Variants in TMEM132D observed in about 807,000 individuals in gnomAD.
TMEM132D encodes mature OL transmembrane protein.
Under a neutral mutation model 62.3 loss-of-function variants are expected in TMEM132D, and 21 were observed. That is an observed-to-expected ratio of 0.34 (90% CI 0.24 to 0.49). The LOEUF (loss-of-function observed/expected upper bound fraction) is 0.49. TMEM132D is among the 20% of genes least tolerant of loss of function. TMEM132D has a pLI of 0.99. For missense variants in TMEM132D, 1,346 were observed against 1,402.8 expected, an observed-to-expected ratio of 0.96 and a Z score of 0.65; for synonymous variants, 621 against 575.6, an observed-to-expected ratio of 1.08 and a Z score of -1.13.
intron 1 of TMEM132D, among the ~76,000 whole-genome samples, chr12:129,745,301 G>T (rs1395139249): frequency 1.3e-5 from 2 of 152,152 alleles, no homozygotes; most frequent in Admixed American, 6.5e-5. Context: ...CATAGTATTT[G>T]CTCATTTTTA....
intron 1 of TMEM132D, among the ~76,000 whole-genome samples, chr12:129,831,326 G>C (rs1872823470): frequency 6.6e-6 from 1 of 152,224 alleles, no homozygotes; most frequent in African/African-American, 2.4e-5. Context: ...GACAGCCATT[G>C]TCCCTCCCAC....
intron 3 of TMEM132D, among the ~76,000 whole-genome samples, chr12:129,443,462 G>A (rs1356172458): frequency 6.6e-6 from 1 of 152,138 alleles, no homozygotes; most frequent in Non-Finnish European, 1.5e-5. Flanking sequence ...AGTTTGGTGA[G>A]CGATGGCCCA....
intron 4 of TMEM132D, among the ~76,000 whole-genome samples, chr12:129,254,820 CCA>C (rs1278598880): frequency 2.6e-5 from 4 of 152,162 alleles, no homozygotes; most frequent in Non-Finnish European, 5.9e-5. Context: ...AGGTTGCATT[CCA>C]GTCTTCCTGG....
At chr12:129,342,941 G>T in intron 3 of TMEM132D, among the ~76,000 whole-genome samples, 1 of 152,192 alleles carries the variant, frequency 6.6e-6, no homozygotes, top group Non-Finnish European at 1.5e-5. Context: ...TGCTGGAGAG[G>T]ATGTGGAGAA....
chr12:129,292,753 T>C (rs886427915), intron 4 of TMEM132D, among the ~76,000 whole-genome samples: 6 of 152,184 alleles, frequency 3.9e-5, no homozygotes, highest in African/African-American at 7.2e-5. Flanking sequence ...TAGTTAATTA[T>C]GCCATTGCGT....
At chr12:129,768,078 C>G (rs1431833325) in intron 1 of TMEM132D, among the ~76,000 whole-genome samples, 1 of 152,176 alleles carries the variant, frequency 6.6e-6, no homozygotes, top group African/African-American at 2.4e-5. Context: ...CCTACCTGGT[C>G]CCTCCCATGA....
At chr12:129,605,768 G>T (rs552462595) in intron 2 of TMEM132D, among the ~76,000 whole-genome samples, 1 of 151,630 alleles carries the variant, frequency 6.6e-6, no homozygotes, top group Non-Finnish European at 1.5e-5. Flanking sequence ...TGGCAATGGC[G>T]TTTCTCATAC....
At position 129,209,646 on chromosome 12, in the gene TMEM132D, G is replaced by A. The variant is rs1878968174; in HGVS notation, c.1317C>T (p.Asn439=). The A allele has an allele frequency of 1.2e-6, 2 of 1,614,082 alleles. No homozygotes were observed. The highest frequency in any genetic ancestry group is 1.7e-6 in the Non-Finnish European group (2 of 1,180,046). The part of the protein sequence containing the change: ...VPLAMEAEIL[N]TAILTGKTVA... ...CCGTCTTCCCCGTGAGGATGGCTGTGTTCAGGATTTCTGCCTCCTGGAAGA... is the reference window on the plus strand; with the variant it reads ...CCGTCTTCCCCGTGAGGATGGCTGTATTCAGGATTTCTGCCTCCTGGAAGA... Residue 439 remains asparagine (N), a synonymous_variant, in exon 5 of 9, where the codon AAC becomes AAT. Coordinates refer to ENST00000422113, the MANE Select transcript of TMEM132D (RefSeq NM_133448.3).
chr12:129,251,186 C>T (rs887492001), intron 4 of TMEM132D, among the ~76,000 whole-genome samples: 43 of 151,656 alleles, frequency 2.8e-4, no homozygotes, highest in African/African-American at 9.7e-4. Context: ...GGTGAAACCC[C>T]GTCTCTACTA....
At chr12:129,157,563 TATG>T (rs1877282762) in intron 5 of TMEM132D, among the ~76,000 whole-genome samples, 1 of 152,228 alleles carries the variant, frequency 6.6e-6, no homozygotes, top group African/African-American at 2.4e-5. Flanking sequence ...GAATTGAAAA[TATG>T]ATGTAAACAC....
intron 1 of TMEM132D, among the ~76,000 whole-genome samples, chr12:129,724,071 A>T (rs900466635): frequency 3.3e-5 from 5 of 152,236 alleles, no homozygotes; most frequent in Admixed American, 2.6e-4. Context: ...AGGAGACAGG[A>T]AAGTCAGAGT....
intron 3 of TMEM132D, among the ~76,000 whole-genome samples, chr12:129,370,410 T>C (rs1414535361): frequency 6.6e-6 from 1 of 152,220 alleles, no homozygotes; most frequent in Non-Finnish European, 1.5e-5. Context: ...CACTCTATAG[T>C]GGCAGCTCTG....
intron 1 of TMEM132D, among the ~76,000 whole-genome samples, chr12:129,789,653 A>G (rs1871345607): frequency 6.6e-6 from 1 of 152,242 alleles, no homozygotes. Flanking sequence ...GAGACCACTT[A>G]GAAGTCTCTG....
intron 5 of TMEM132D, among the ~76,000 whole-genome samples, chr12:129,169,208 T>C (rs551499577): frequency 6.6e-6 from 1 of 152,138 alleles, no homozygotes; most frequent in African/African-American, 2.4e-5. Context: ...TATTAAGTTA[T>C]CAGGTGATGC....
chr12:129,330,992 G>T (rs1450752467), intron 4 of TMEM132D, among the ~76,000 whole-genome samples: 1 of 152,120 alleles, frequency 6.6e-6, no homozygotes, highest in Non-Finnish European at 1.5e-5. Flanking sequence ...AACAGTGTCA[G>T]AATCCTCCGA....
chr12:129,762,716 G>A (rs1169075071), intron 1 of TMEM132D, among the ~76,000 whole-genome samples: 1 of 152,128 alleles, frequency 6.6e-6, no homozygotes, highest in Non-Finnish European at 1.5e-5. Flanking sequence ...TGTTTCTAGA[G>A]CCTTTAAACA....
intron 2 of TMEM132D, among the ~76,000 whole-genome samples, chr12:129,638,926 C>T (rs1291031217): frequency 6.6e-6 from 1 of 152,092 alleles, no homozygotes; most frequent in South Asian, 2.1e-4. Context: ...ACAGCATATG[C>T]AAAGTCGGGA....
At chr12:129,458,747 A>C (rs1409217161) in intron 3 of TMEM132D, among the ~76,000 whole-genome samples, 1 of 152,192 alleles carries the variant, frequency 6.6e-6, no homozygotes. Context: ...GAGCAGGCTC[A>C]TATTCGGCCG....
chr12:129,410,686 G>A (rs1871943015), intron 3 of TMEM132D, among the ~76,000 whole-genome samples: 1 of 152,084 alleles, frequency 6.6e-6, no homozygotes. Context: ...TAATGTACTT[G>A]TCTGACTCCA....
Sources: allele counts gnomAD v4.1 joint callset (sites outside exome capture counted in the v4.1 genomes callset), GRCh38; gene constraint gnomAD v4.1.1; transcripts MANE v1.5; gene names NCBI Gene and HGNC (gene_info 2026-07-23, HGNC 2026-07-21).